The following ANKRD34B variants were observed in gnomAD, a reference collection of about 807,000 sequenced individuals.
The protein encoded by ANKRD34B is ankyrin repeat domain-containing protein 34B.
Under a neutral mutation model 4.4 loss-of-function variants are expected in ANKRD34B, and 2 were observed. The observed-to-expected ratio is 0.46, with a 90% CI of 0.19 to 1.44. The LOEUF (loss-of-function observed/expected upper bound fraction) is 1.44. Ranked by LOEUF, ANKRD34B falls within the 40% of genes most tolerant of loss-of-function variation. The pLI is 0.26. For synonymous variants in ANKRD34B, 226 were observed against 227.1 expected, an observed-to-expected ratio of 0.99 and a Z score of 0.05; for missense variants, 558 against 604.7, an observed-to-expected ratio of 0.92 and a Z score of 0.81.
rs775652032 is a variant in ANKRD34B, at chr5:80,559,798, A to G, written c.222T>C (p.Asn74=). 4 of 1,614,074 alleles carry G rather than the reference A, an allele frequency of 2.5e-6. No homozygotes were observed. The highest frequency in any genetic ancestry group is 3.4e-6 in the Non-Finnish European group (4 of 1,180,046). Residue 74 remains asparagine, a synonymous_variant, in exon 5 of 5, where the codon AAT becomes AAC. Coordinates refer to ENST00000338682, the MANE Select transcript of ANKRD34B (RefSeq NM_001004441.3). ...AKMVKYLLEN[N]ADPNIQDKSG... ...ATTTGTCCTGTATGTTGGGATCGGC[A>G]TTGTTCTCTAACAGGTATTTCACCA... is the stretch of plus-strand genomic sequence containing the variant.
At position 80,559,116 on chromosome 5, in the gene ANKRD34B, T is replaced by C. The variant is rs150142623; in HGVS notation, c.904A>G (p.Thr302Ala). ...TRHQSIDVKDTAHLLRAFDQA... is the reference protein window; with the variant it reads ...TRHQSIDVKDAAHLLRAFDQA... ...TCAAAGGCTCTTAGCAAATGTGCAGTGTCTTTTACATCAATGCTTTGGTGC... is the reference window on the plus strand; with the variant it reads ...TCAAAGGCTCTTAGCAAATGTGCAGCGTCTTTTACATCAATGCTTTGGTGC... Residue 302 changes from threonine (T) to alanine (A), a missense_variant, in exon 5 of 5, where the codon ACT (threonine) becomes GCT (alanine). Coordinates refer to ENST00000338682, the MANE Select transcript of ANKRD34B (RefSeq NM_001004441.3). The C allele has an allele frequency of 7.0e-3, 11,270 of 1,614,206 alleles. 51 individuals are homozygous for C. The highest frequency in any genetic ancestry group is 8.3e-3 in the Non-Finnish European group (9,800 of 1,180,036).
intron 2 of ANKRD34B, 109 bp from the exon 3 acceptor site, chr5:80,566,883 ATG>A (rs1746582297): frequency 6.6e-6 from 1 of 152,520 alleles, no homozygotes; most frequent in South Asian, 2.1e-4. Flanking sequence ...AAATCCCCCA[ATG>A]TTTGCTCAGT....
Position 80,558,284 on chromosome 5 carries a change from C to T in ANKRD34B, c.*191G>A. ...GCTTTCCTTTTGTTTGAGAGAATTCCCTTAACAGAAACTATGTATTATTTT... is the reference window on the plus strand; with the variant it reads ...GCTTTCCTTTTGTTTGAGAGAATTCTCTTAACAGAAACTATGTATTATTTT... On this transcript the variant is annotated 3_prime_UTR_variant, in exon 5 of 5. Transcript: ENST00000338682. 2.2e-6 allele frequency: 1 copy of T among 455,042 alleles called. No individual in the cohort carries two copies. The highest frequency in any genetic ancestry group is 4.6e-5 in the South Asian group (1 of 21,814). 28.2% of individuals were successfully genotyped at this position (455,042 alleles called of 1,614,324 possible).
intron 4 of ANKRD34B, among the ~76,000 whole-genome samples, chr5:80,561,257 T>A (rs1746397032): frequency 6.6e-6 from 1 of 152,192 alleles, no homozygotes; most frequent in African/African-American, 2.4e-5. Flanking sequence ...TTTTGTCTTT[T>A]AACAGTCCTT....
rs376108055 is a variant in ANKRD34B, at chr5:80,561,669, C to A, written c.-23-1627G>T. Among the ~76,000 whole-genome samples the A allele has an allele frequency of 2.0e-3, 310 of 152,206 alleles. 1 individual carries two copies. Among genetic ancestry groups the A allele is most frequent in the African/African-American group, 5.4e-3 (224 of 41,528 alleles). On this transcript the variant is annotated intron_variant, in intron 4 of 4. Coordinates refer to ENST00000338682, the MANE Select transcript of ANKRD34B (RefSeq NM_001004441.3). Reference sequence around the variant, plus strand: ...CAGGAGAGCACAGAAGCTTTAACATCCTGGGGACCAAAAGGGGCTTCACAG... The same window carrying A: ...CAGGAGAGCACAGAAGCTTTAACATACTGGGGACCAAAAGGGGCTTCACAG...
At position 80,559,349 on chromosome 5, in the gene ANKRD34B, C is replaced by G. The variant is rs1175116613; in HGVS notation, c.671G>C (p.Trp224Ser). 3 of 1,614,070 alleles carry G rather than the reference C, an allele frequency of 1.9e-6. No individual in the cohort carries two copies. Among genetic ancestry groups the G allele is most frequent in the Admixed American group, 1.7e-5 (1 of 60,008 alleles). ...LELAGSNDDT[W>S]DPGSPVRKPA... ...TTTCCTCACAGGGGAACCTGGGTCCCAGGTATCATCATTGCTTCCAGCAAG... is the reference window on the plus strand; with the variant it reads ...TTTCCTCACAGGGGAACCTGGGTCCGAGGTATCATCATTGCTTCCAGCAAG... Residue 224 changes from tryptophan to serine, a missense_variant, in exon 5 of 5, where the codon TGG (tryptophan) becomes TCG (serine). By Grantham distance (177) the Trp-to-Ser change is radical. Coordinates refer to ENST00000338682, the MANE Select transcript of ANKRD34B (RefSeq NM_001004441.3).
intron 4 of ANKRD34B, among the ~76,000 whole-genome samples, chr5:80,560,505 T>A (rs913308692): frequency 1.3e-5 from 2 of 151,730 alleles, no homozygotes; most frequent in Non-Finnish European, 2.9e-5. Flanking sequence ...CAAAAATAAG[T>A]TTTAAAATTA....
Position 80,558,791 on chromosome 5 carries a change from A to G in ANKRD34B, c.1229T>C (p.Leu410Ser). The change falls in exon 5 of 5, where the codon TTG becomes TCG. Residue 410 changes from leucine to serine, a missense_variant. By Grantham distance (145) the Leu-to-Ser change is moderately radical. Transcript: ENST00000338682. ...GGGACCTGGGGGGATATTCTCCAAC[A>G]ATTCTTTGGACTCTGACAATTGGGA... is the stretch of plus-strand genomic sequence containing the variant. The part of the protein sequence containing the change: ...SPSQLSESKE[L>S]LENIPPGPLS... 6.2e-7 allele frequency: 1 copy of G among 1,614,130 alleles called. No homozygotes were observed. The highest frequency in any genetic ancestry group is 8.5e-7 in the Non-Finnish European group (1 of 1,180,034).
At position 80,557,370 on chromosome 5, in the gene ANKRD34B, T is replaced by C. The variant is rs1355092153; in HGVS notation, c.*1105A>G. On this transcript the variant is annotated 3_prime_UTR_variant, in exon 5 of 5. Coordinates refer to ENST00000338682, the MANE Select transcript of ANKRD34B (RefSeq NM_001004441.3). ...CACACTAAGGAAGTTATCCTTAATA[T>C]ATAAATGTCTAATAACTACATATCA... 2 of 152,118 alleles carry C rather than the reference T, an allele frequency of 1.3e-5. No individual in the cohort carries two copies. Among genetic ancestry groups the C allele is most frequent in the Non-Finnish European group, 2.9e-5 (2 of 68,006 alleles). 9.4% of individuals were successfully genotyped at this position (152,118 alleles called of 1,614,324 possible). A position where few individuals can be genotyped will look rare whatever the true frequency, so the allele number is the denominator to read the frequency against.
Position 80,559,603 on chromosome 5 carries a change from A to C in ANKRD34B, c.417T>G (p.Ser139Arg). The change falls in exon 5 of 5, where the codon AGT (serine) becomes AGG (arginine). Residue 139 changes from serine (S) to arginine (R), a missense_variant. Coordinates refer to ENST00000338682, the MANE Select transcript of ANKRD34B (RefSeq NM_001004441.3). ...EDTETLKVLLSACKAKGKEVI... is the reference protein window; with the variant it reads ...EDTETLKVLLRACKAKGKEVI... ...CCTCTTTCCCTTTTGCCTTGCAAGC[A>C]CTAAGAAGAACTTTCAGGGTCTCTG... 1 of 1,614,226 alleles carries C rather than the reference A, an allele frequency of 6.2e-7. No individual in the cohort carries two copies. Among genetic ancestry groups the C allele is most frequent in the Non-Finnish European group, 8.5e-7 (1 of 1,180,050 alleles).
chr5:80,558,754 T>G lies in ANKRD34B; in HGVS notation c.1266A>C (p.Arg422Ser), dbSNP rs761930527. ...CTCGCCTTTCTAAAACTGCATGATT[T>G]CTCCTGCTCAGGGGACCTGGGGGGA... The part of the protein sequence containing the change: ...ENIPPGPLSR[R>S]NHAVLERRGS... The change falls in exon 5 of 5, where the codon AGA becomes AGC. Residue 422 changes from arginine to serine, a missense_variant. Coordinates refer to ENST00000338682, the MANE Select transcript of ANKRD34B (RefSeq NM_001004441.3). The G allele has an allele frequency of 2.5e-6, 4 of 1,614,168 alleles. No homozygotes were observed. In the East Asian group the frequency reaches 6.7e-5, roughly 27 times the overall value.
intron 1 of ANKRD34B, among the ~76,000 whole-genome samples, chr5:80,569,880 C>A (rs2112725065): frequency 6.6e-6 from 1 of 152,288 alleles, no homozygotes; most frequent in East Asian, 1.9e-4. Context: ...GCGTGGAGCG[C>A]GCCCCGGGGT....
At chr5:80,564,997 G>A (rs1021756997) in intron 3 of ANKRD34B, among the ~76,000 whole-genome samples, 6 of 152,188 alleles carry the variant, frequency 3.9e-5, no homozygotes, top group South Asian at 4.1e-4. Context: ...GCGCCACTGC[G>A]CCCAGCCTGT....
chr5:80,566,007 T>C (rs1305772933), intron 3 of ANKRD34B, among the ~76,000 whole-genome samples: 1 of 152,258 alleles, frequency 6.6e-6, no homozygotes, highest in East Asian at 1.9e-4. Flanking sequence ...ATATTTACGA[T>C]GCTCCTTTAG....
chr5:80,558,599 G>T lies in ANKRD34B; in HGVS notation c.1421C>A (p.Ser474Tyr). 2 of 1,614,094 alleles carry T rather than the reference G, an allele frequency of 1.2e-6. No individual in the cohort carries two copies. The highest frequency in any genetic ancestry group is 1.7e-6 in the Non-Finnish European group (2 of 1,179,964). The change falls in exon 5 of 5, where the codon TCT (serine) becomes TAT (tyrosine). Residue 474 changes from serine to tyrosine, a missense_variant. By Grantham distance (144) the Ser-to-Tyr change is moderately radical (BLOSUM62 -2). Transcript: ENST00000338682. ...NVNNKICSLL[S>Y]CGQKVLMPTV... is the part of the protein sequence containing the mutation. ...TGGCATAAGCACTTTTTGACCACAA[G>T]AAAGAAGGCTGCAAATCTTGTTGTT... is the stretch of plus-strand genomic sequence containing the variant.
In ANKRD34B at chr5:80,558,606, G is replaced by A. The variant is rs774283355; in HGVS notation, c.1414C>T (p.Leu472Phe). 4.0e-5 allele frequency: 64 copies of A among 1,614,046 alleles called. 2 individuals carry two copies. In the Middle Eastern group the frequency reaches 8.4e-3, roughly 212 times the overall value. ...DINVNNKICS[L>F]LSCGQKVLMP... ...AGCACTTTTTGACCACAAGAAAGAA[G>A]GCTGCAAATCTTGTTGTTGACATTG... Residue 472 changes from leucine (L) to phenylalanine (F), a missense_variant, in exon 5 of 5, where the codon CTT becomes TTT. Physicochemically the swap from Leu to Phe is conservative, Grantham distance 22. Coordinates refer to ENST00000338682, the MANE Select transcript of ANKRD34B (RefSeq NM_001004441.3).
At chr5:80,561,196 A>G in intron 4 of ANKRD34B, among the ~76,000 whole-genome samples, 1 of 152,192 alleles carries the variant, frequency 6.6e-6, no homozygotes, top group South Asian at 2.1e-4. Context: ...CCTTCAACAG[A>G]TAATTCCATT....
In ANKRD34B at chr5:80,568,699, AT is replaced by A. The variant is rs555509218; in HGVS notation, c.-191+260del. On this transcript the variant is annotated intron_variant, in intron 2 of 4. Coordinates refer to ENST00000338682, the MANE Select transcript of ANKRD34B (RefSeq NM_001004441.3). ...AAATGGAATGACTGGCCAGAAAAAG[AT>A]TCTTCCCTGGTATTGACTTGCAAGA... is the stretch of plus-strand genomic sequence containing the variant. Among the ~76,000 whole-genome samples the A allele has an allele frequency of 7.9e-5, 12 of 152,212 alleles. No individual in the cohort carries two copies. The South Asian group carries it at 2.5e-3, about 32-fold the overall frequency.
intron 1 of ANKRD34B, among the ~76,000 whole-genome samples, 156 bp from the exon 2 acceptor site, chr5:80,569,263 G>T (rs1354817859): frequency 6.6e-6 from 1 of 152,182 alleles, no homozygotes; most frequent in Non-Finnish European, 1.5e-5. Flanking sequence ...GCCCACAGCC[G>T]CTGCGGAGCG....
Sources: allele counts gnomAD v4.1 joint callset (sites outside exome capture counted in the v4.1 genomes callset), GRCh38; gene constraint gnomAD v4.1.1; transcripts MANE v1.5; gene names NCBI Gene and HGNC (gene_info 2026-07-23, HGNC 2026-07-21).